Variants in STXBP6 observed in about 807,000 individuals in gnomAD.
STXBP6 encodes syntaxin-binding protein 6.
A neutral mutation model predicts 26.9 loss-of-function variants in STXBP6; 21 were observed. The observed-to-expected ratio is 0.78, with a 90% CI of 0.55 to 1.12. The LOEUF is 1.12. Among genes scored for constraint, STXBP6 ranks in the 50% most tolerant of loss-of-function variants. The probability of loss-of-function intolerance (pLI) is 0.00; values close to 1 mark genes in which losing one functional copy is unlikely to be tolerated. For missense variants in STXBP6, 232 were observed against 257.9 expected (o/e 0.90, Z 0.69); for synonymous variants, 97 against 92.6 (o/e 1.05, Z -0.27).
At chr14:24,935,348 T>C (rs2072557873) in intron 2 of STXBP6, among the ~76,000 whole-genome samples, 1 of 151,918 alleles carries the variant, frequency 6.6e-6, no homozygotes, top group African/African-American at 2.4e-5. Context: ...GAAAATAAAG[T>C]TGAGAGTGAA....
intron 4 of STXBP6, among the ~76,000 whole-genome samples, chr14:24,820,810 T>C (rs1351537938): frequency 1.3e-5 from 2 of 152,212 alleles, no homozygotes; most frequent in East Asian, 1.9e-4. Context: ...ACCGTATCAC[T>C]AGGGAAGTGA....
chr14:24,935,056 AAG>A (rs1429467150), intron 2 of STXBP6, among the ~76,000 whole-genome samples: 4 of 152,312 alleles, frequency 2.6e-5, no homozygotes, highest in Admixed American at 2.6e-4. Flanking sequence ...AAACCTCTAA[AAG>A]AGACTGATCT....
chr14:24,925,707 A>G (rs1013555487), intron 2 of STXBP6, among the ~76,000 whole-genome samples: 2 of 152,192 alleles, frequency 1.3e-5, no homozygotes, highest in African/African-American at 2.4e-5. Flanking sequence ...CAACCAAAAC[A>G]GTAATTGCTT....
chr14:25,000,486 C>A lies in STXBP6; in HGVS notation c.-32-25636G>T, dbSNP rs989399315. Among the ~76,000 whole-genome samples the A allele has an allele frequency of 4.0e-5, 6 of 151,382 alleles. No individual in the cohort carries two copies. In the South Asian group the frequency reaches 1.3e-3, roughly 32 times the overall value. On this transcript the variant is annotated intron_variant, in intron 1 of 5. Coordinates refer to ENST00000323944, the MANE Select transcript of STXBP6 (RefSeq NM_001394410.1). ...GAAGGCCTCAGAAGCAAAAGTTTCTCTGTGACCTCCTCCTGCCCTCCTGTC... is the reference window on the plus strand; with the variant it reads ...GAAGGCCTCAGAAGCAAAAGTTTCTATGTGACCTCCTCCTGCCCTCCTGTC...
chr14:24,985,374 CA>C (rs1285839262), intron 1 of STXBP6, among the ~76,000 whole-genome samples: 1 of 152,198 alleles, frequency 6.6e-6, no homozygotes, highest in African/African-American at 2.4e-5. Flanking sequence ...ATGGCTGCCA[CA>C]AGGCAGTTTT....
At chr14:24,893,512 A>C (rs2070867353) in intron 2 of STXBP6, among the ~76,000 whole-genome samples, 2 of 152,214 alleles carry the variant, frequency 1.3e-5, no homozygotes, top group African/African-American at 4.8e-5. Context: ...GAAATTCCCA[A>C]GCACTTAAGA....
At chr14:24,821,391 T>A (rs963094354) in intron 4 of STXBP6, among the ~76,000 whole-genome samples, 1 of 152,236 alleles carries the variant, frequency 6.6e-6, no homozygotes, top group Non-Finnish European at 1.5e-5. Context: ...GCTTTGTTGC[T>A]TGAAATTAAG....
intron 4 of STXBP6, among the ~76,000 whole-genome samples, chr14:24,823,617 T>A (rs1445594520): frequency 6.6e-6 from 1 of 152,176 alleles, no homozygotes; most frequent in Non-Finnish European, 1.5e-5. Flanking sequence ...ATAATAAATA[T>A]ATGCCCATCT....
intron 1 of STXBP6, among the ~76,000 whole-genome samples, chr14:25,027,443 A>AG (rs1485552401): frequency 2.0e-5 from 3 of 152,300 alleles, no homozygotes; most frequent in East Asian, 1.9e-4. Context: ...TAATCAATAA[A>AG]TGCACGTATT....
At chr14:25,028,915 G>A (rs2075399209) in intron 1 of STXBP6, among the ~76,000 whole-genome samples, 1 of 152,186 alleles carries the variant, frequency 6.6e-6, no homozygotes, top group Non-Finnish European at 1.5e-5. Flanking sequence ...AACTGCAGAT[G>A]TGGTGGAAAT....
intron 2 of STXBP6, among the ~76,000 whole-genome samples, chr14:24,914,513 G>T (rs1490908058): frequency 6.6e-6 from 1 of 152,000 alleles, no homozygotes; most frequent in Non-Finnish European, 1.5e-5. Flanking sequence ...TCAAAGACAG[G>T]CTGGTTGCAT....
chr14:24,862,040 C>T (rs1184655401), intron 2 of STXBP6, among the ~76,000 whole-genome samples: 3 of 152,198 alleles, frequency 2.0e-5, no homozygotes, highest in Non-Finnish European at 4.4e-5. Flanking sequence ...TCTGTTGCCT[C>T]TGCTGGAGCG....
chr14:24,841,483 C>G (rs757473945), intron 4 of STXBP6, among the ~76,000 whole-genome samples: 4 of 152,122 alleles, frequency 2.6e-5, no homozygotes, highest in Non-Finnish European at 4.4e-5. Context: ...CAAGTTTTAG[C>G]CATCATCTTT....
chr14:25,036,015 C>T (rs889201652), intron 1 of STXBP6, among the ~76,000 whole-genome samples: 1 of 151,644 alleles, frequency 6.6e-6, no homozygotes, highest in East Asian at 1.9e-4. Flanking sequence ...GTCAGGGGTT[C>T]GAGACCAGCC....
intron 1 of STXBP6, among the ~76,000 whole-genome samples, chr14:24,989,571 G>A (rs2074414891): frequency 6.6e-6 from 1 of 152,166 alleles, no homozygotes; most frequent in Non-Finnish European, 1.5e-5. Flanking sequence ...CACAAAGCAG[G>A]CTCTGAAGAA....
intron 1 of STXBP6, among the ~76,000 whole-genome samples, chr14:25,045,733 A>G (rs2140522749): frequency 6.6e-6 from 1 of 151,456 alleles, no homozygotes. Context: ...CCTCCCGAGT[A>G]GCTGGTATTA....
intron 2 of STXBP6, among the ~76,000 whole-genome samples, chr14:24,931,292 G>A (rs1490302127): frequency 2.0e-5 from 3 of 151,336 alleles, no homozygotes; most frequent in African/African-American, 7.3e-5. Context: ...TGTCAATGAC[G>A]AGTTAATGGG....
At chr14:24,839,176 T>G (rs577897987) in intron 4 of STXBP6, among the ~76,000 whole-genome samples, 3 of 152,250 alleles carry the variant, frequency 2.0e-5, no homozygotes, top group South Asian at 4.1e-4. Context: ...TCTCTAATTT[T>G]AGACATATCT....
At chr14:25,000,268 T>A (rs1216532863) in intron 1 of STXBP6, among the ~76,000 whole-genome samples, 1 of 152,038 alleles carries the variant, frequency 6.6e-6, no homozygotes, top group Non-Finnish European at 1.5e-5. Context: ...TTTCACCATG[T>A]TAGCCAGGAT....
Sources: gnomAD v4.1 joint callset for allele counts (sites outside exome capture counted in the v4.1 genomes callset) on GRCh38, gnomAD v4.1.1 for gene constraint, MANE v1.5 for transcripts, NCBI Gene and HGNC (gene_info 2026-07-23, HGNC 2026-07-21) for gene names.